RABEP1: variants seen among roughly 807,000 people sequenced by gnomAD.
The protein encoded by RABEP1 is rabaptin, RAB GTPase binding effector protein 1.
RABEP1 carries 51 observed loss-of-function variants against 123.4 expected under a neutral mutation model. That is an observed-to-expected ratio of 0.41 (90% CI 0.33 to 0.52). The LOEUF (loss-of-function observed/expected upper bound fraction) is 0.52, where lower values mean the gene tolerates loss of function less well. Ranked by LOEUF, RABEP1 falls within the 20% of genes least tolerant of loss-of-function variation. The probability of loss-of-function intolerance (pLI) is 0.16; values close to 1 mark genes in which losing one functional copy is unlikely to be tolerated. For missense variants in RABEP1, 888 were observed against 996.3 expected (o/e 0.89, Z 1.46); for synonymous variants, 347 against 355.2 (o/e 0.98, Z 0.26).
intron 1 of RABEP1, among the ~76,000 whole-genome samples, chr17:5,296,300 G>C (rs1194684099): frequency 6.6e-6 from 1 of 152,112 alleles, no homozygotes; most frequent in African/African-American, 2.4e-5. Context: ...TTTCATTCTT[G>C]TTGCCCAGGC....
At chr17:5,332,430 T>A (rs1415950794) in intron 3 of RABEP1, among the ~76,000 whole-genome samples, 1 of 152,140 alleles carries the variant, frequency 6.6e-6, no homozygotes. Context: ...TAAAAGTCGA[T>A]TTCTTCTAGG....
At chr17:5,290,373 C>G (rs1455947238) in intron 1 of RABEP1, among the ~76,000 whole-genome samples, 2 of 152,162 alleles carry the variant, frequency 1.3e-5, no homozygotes, top group Non-Finnish European at 2.9e-5. Flanking sequence ...CAGGCGTGAG[C>G]CACCGCGCCC....
At chr17:5,326,517 AT>A (rs1175675722) in intron 2 of RABEP1, among the ~76,000 whole-genome samples, 1 of 152,178 alleles carries the variant, frequency 6.6e-6, no homozygotes, top group Non-Finnish European at 1.5e-5. Flanking sequence ...AGTACAGAGA[AT>A]TTTTAGAGCA....
At chr17:5,337,206 G>C (rs1907179289) in intron 4 of RABEP1, among the ~76,000 whole-genome samples, 1 of 152,054 alleles carries the variant, frequency 6.6e-6, no homozygotes, top group Non-Finnish European at 1.5e-5. Flanking sequence ...TCATTTAGAT[G>C]GTAAAAGTAA....
At chr17:5,335,447 T>G in intron 4 of RABEP1, 103 bp downstream of exon 4, 1 of 1,024,408 alleles carries the variant, frequency 9.8e-7, no homozygotes, top group Non-Finnish European at 1.4e-6. Context: ...TGATATTTCC[T>G]GTGAGAATAA....
chr17:5,331,986 A>C lies in RABEP1; in HGVS notation c.201A>C (p.Ala67=). ...LKRQNAVLQA[A]QDDLGHLRTQ... is the part of the protein sequence containing the mutation. Reference sequence around the variant, plus strand: ...GGCAAAATGCAGTATTACAAGCTGCACAAGATGATTTGGGACACCTTCGAA... The same window carrying C: ...GGCAAAATGCAGTATTACAAGCTGCCCAAGATGATTTGGGACACCTTCGAA... The change falls in exon 3 of 18, where the codon GCA becomes GCC. Residue 67 remains alanine (A), a synonymous_variant. Coordinates refer to ENST00000537505, the MANE Select transcript of RABEP1 (RefSeq NM_004703.6). The C allele has an allele frequency of 6.2e-7, 1 of 1,614,048 alleles. No individual in the cohort carries two copies. The highest frequency in any genetic ancestry group is 8.5e-7 in the Non-Finnish European group (1 of 1,179,962).
At chr17:5,364,719 A>G (rs1909866946) in intron 10 of RABEP1, among the ~76,000 whole-genome samples, 1 of 141,966 alleles carries the variant, frequency 7.0e-6, no homozygotes, top group Admixed American at 7.0e-5. Flanking sequence ...TCAAAAAAAA[A>G]AAAAAAAAAA....
chr17:5,382,696 G>A (rs1176687163), intron 17 of RABEP1, among the ~76,000 whole-genome samples: 1 of 152,078 alleles, frequency 6.6e-6, no homozygotes, highest in Non-Finnish European at 1.5e-5. Flanking sequence ...AGGTTGCAGT[G>A]AGCCAAGATC....
At chr17:5,366,593 T>C (rs1167465913) in intron 11 of RABEP1, among the ~76,000 whole-genome samples, 66 of 151,798 alleles carry the variant, frequency 4.3e-4, no homozygotes, top group African/African-American at 1.2e-3. Context: ...TTACAGGCAC[T>C]TACCACCACA....
rs1911642519 is a variant in RABEP1, at chr17:5,383,190, A to C, written c.2556A>C (p.Lys852Asn). 2 of 1,613,980 alleles carry C rather than the reference A, an allele frequency of 1.2e-6. No homozygotes were observed. The highest frequency in any genetic ancestry group is 2.7e-5 in the African/African-American group (2 of 74,904). Residue 852 changes from lysine to asparagine, a missense_variant, in exon 18 of 18, where the codon AAA (lysine) becomes AAC (asparagine). Coordinates refer to ENST00000537505, the MANE Select transcript of RABEP1 (RefSeq NM_004703.6). ...TCCGGGCAATTCTGAATGATACTAA[A>C]CTGACAGACATTAACCAGCTTCCTG... ...ERIRAILNDT[K>N]LTDINQLPET is the part of the protein sequence containing the mutation.
At chr17:5,358,672 GA>G (rs10638024) in intron 8 of RABEP1, among the ~76,000 whole-genome samples, 2,372 of 141,728 alleles carry the variant, frequency 0.017, 43 homozygotes, top group African/African-American at 0.051. Flanking sequence ...CTGTCTCCAG[GA>G]AAAAAAAAAA....
intron 12 of RABEP1, 102 bp downstream of exon 12, chr17:5,368,570 G>A (rs1452940575): frequency 1.1e-5 from 9 of 790,116 alleles, no homozygotes; most frequent in African/African-American, 6.9e-5. Context: ...CCTGTCCAAA[G>A]TAGTTACTGT....
At chr17:5,355,295 T>A (rs887707864) in intron 8 of RABEP1, among the ~76,000 whole-genome samples, 2 of 152,218 alleles carry the variant, frequency 1.3e-5, no homozygotes, top group African/African-American at 2.4e-5. Flanking sequence ...GTCTGTTGGT[T>A]CCTTCATTTG....
chr17:5,325,392 C>T (rs1262383711), intron 2 of RABEP1, among the ~76,000 whole-genome samples: 1 of 151,766 alleles, frequency 6.6e-6, no homozygotes, highest in Non-Finnish European at 1.5e-5. Context: ...ATGGATGGAA[C>T]TGGAAGTCAT....
At chr17:5,337,030 C>T (rs1488935892) in intron 4 of RABEP1, among the ~76,000 whole-genome samples, 1 of 152,130 alleles carries the variant, frequency 6.6e-6, no homozygotes, top group Non-Finnish European at 1.5e-5. Flanking sequence ...ACTTTTTGAG[C>T]CTGCCTTTGT....
At chr17:5,360,328 TGAG>T (rs1174941936) in intron 8 of RABEP1, among the ~76,000 whole-genome samples, 1 of 152,252 alleles carries the variant, frequency 6.6e-6, no homozygotes, top group Non-Finnish European at 1.5e-5. Flanking sequence ...TTTGGGAGGC[TGAG>T]GTCGGGGGAT....
chr17:5,382,873 T>C (rs1380111923), intron 17 of RABEP1, among the ~76,000 whole-genome samples: 1 of 151,240 alleles, frequency 6.6e-6, no homozygotes, highest in Admixed American at 6.6e-5. Flanking sequence ...TGAGCCGAGA[T>C]CACACCATTG....
In RABEP1 at chr17:5,284,977, A is replaced by T. The variant is rs73976329; in HGVS notation, c.34+2457A>T. ...AAGCGATTGTCTTTGATGACTTTTT[A>T]AAAAAAAAAAAATATTGTCTGTTTT... On this transcript the variant is annotated intron_variant, in intron 1 of 17. Transcript: ENST00000537505. Among the ~76,000 whole-genome samples the T allele has an allele frequency of 9.6e-3, 1,401 of 145,508 alleles. 23 individuals carry two copies. Among genetic ancestry groups the T allele is most frequent in the African/African-American group, 0.027 (1,058 of 39,796 alleles).
intron 13 of RABEP1, among the ~76,000 whole-genome samples, chr17:5,374,685 G>A (rs561868594): frequency 1.3e-5 from 2 of 152,084 alleles, no homozygotes; most frequent in Admixed American, 1.3e-4. Flanking sequence ...TGTCACCCAG[G>A]CTGGAGTGCA....
Sources: gnomAD v4.1 joint callset for allele counts (sites outside exome capture counted in the v4.1 genomes callset) on GRCh38, gnomAD v4.1.1 for gene constraint, MANE v1.5 for transcripts, NCBI Gene and HGNC (gene_info 2026-07-23, HGNC 2026-07-21) for gene names.